Variants in SETD2 observed in about 807,000 individuals in gnomAD.
SETD2 encodes histone-lysine N-methyltransferase SETD2.
In SETD2, 31 loss-of-function variants were observed where a neutral mutation model predicts 242.1. That is an observed-to-expected ratio of 0.13 (90% confidence interval 0.10 to 0.17). SETD2 has a LOEUF of 0.17. SETD2 is among the 10% of genes least tolerant of loss of function. The pLI, the probability that SETD2 is intolerant of heterozygous loss-of-function variation, is 1.00. For synonymous variants in SETD2, 1,006 were observed against 1,066.5 expected (o/e 0.94, Z 1.11); for missense variants, 2,481 against 3,046.3 (o/e 0.81, Z 4.37).
intron 7 of SETD2, among the ~76,000 whole-genome samples, chr3:47,102,870 C>T (rs889993693): frequency 1.3e-5 from 2 of 151,364 alleles, no homozygotes; most frequent in Admixed American, 6.6e-5. Flanking sequence ...CTAGATAAGA[C>T]CTAATAAAGA....
chr3:47,085,255 C>T (rs1031196347), intron 11 of SETD2, among the ~76,000 whole-genome samples: 1 of 152,196 alleles, frequency 6.6e-6, no homozygotes, highest in Non-Finnish European at 1.5e-5. Flanking sequence ...AGTTCCTAAA[C>T]CTGGGTAGCT....
In SETD2 at chr3:47,090,146, C is replaced by CTGA. The variant is rs560337595; in HGVS notation, c.5143-1902_5143-1900dup. On this transcript the variant is annotated intron_variant, in intron 9 of 20. Coordinates refer to ENST00000409792, the MANE Select transcript of SETD2 (RefSeq NM_014159.7). ...GCCTGTAGTACCAGCTATCGGGAGG[C>CTGA]TGAGGCAGGAGAATAGCTTGAACCC... is the stretch of plus-strand genomic sequence containing the variant. 1.6e-3 allele frequency among the ~76,000 whole-genome samples: 245 copies of CTGA among 151,912 alleles called. 1 individual carries two copies. Among genetic ancestry groups the CTGA allele is most frequent in the African/African-American group, 4.9e-3 (203 of 41,456 alleles).
intron 1 of SETD2, among the ~76,000 whole-genome samples, chr3:47,138,957 T>C (rs975183987): frequency 6.6e-6 from 1 of 152,198 alleles, no homozygotes; most frequent in Non-Finnish European, 1.5e-5. Flanking sequence ...TCTTTCTTTC[T>C]TTTCTTTTTT....
At chr3:47,084,424 G>GA in intron 11 of SETD2, 42 bp from the exon 12 acceptor site, 4 of 1,242,704 alleles carry the variant, frequency 3.2e-6, no homozygotes, top group Non-Finnish European at 4.3e-6. Flanking sequence ...TTGTACAGTT[G>GA]ACTTTTTTTT....
chr3:47,161,057 T>A (rs1697476002), intron 1 of SETD2, among the ~76,000 whole-genome samples: 1 of 152,198 alleles, frequency 6.6e-6, no homozygotes, highest in Non-Finnish European at 1.5e-5. Flanking sequence ...AATTTCTTCA[T>A]ATGTCTAAGT....
intron 4 of SETD2, 80 bp downstream of exon 4, chr3:47,116,543 T>G: frequency 6.9e-7 from 1 of 1,441,436 alleles, no homozygotes; most frequent in Non-Finnish European, 9.4e-7. Context: ...AGGTTAAATT[T>G]TATTCTTCAT....
At chr3:47,018,491 T>G (rs955530658) in intron 19 of SETD2, among the ~76,000 whole-genome samples, 1 of 152,188 alleles carries the variant, frequency 6.6e-6, no homozygotes, top group African/African-American at 2.4e-5. Flanking sequence ...CCTTCAGGTG[T>G]TCAAAGAACA....
intron 13 of SETD2, among the ~76,000 whole-genome samples, chr3:47,065,638 A>C (rs1189043727): frequency 6.6e-6 from 1 of 152,054 alleles, no homozygotes; most frequent in Non-Finnish European, 1.5e-5. Context: ...TCTACAAAAA[A>C]TAAATAAATA....
At chr3:47,149,010 C>A (rs184308851) in intron 1 of SETD2, among the ~76,000 whole-genome samples, 28 of 152,304 alleles carry the variant, frequency 1.8e-4, no homozygotes, top group Non-Finnish European at 2.4e-4. Flanking sequence ...CCATAATCCT[C>A]CAGCATATAC....
intron 18 of SETD2, among the ~76,000 whole-genome samples, chr3:47,030,846 G>A (rs1007608836): frequency 1.4e-4 from 21 of 152,148 alleles, no homozygotes; most frequent in Non-Finnish European, 3.1e-4. Flanking sequence ...AAAGTTGGAA[G>A]CAACCAAGAT....
At chr3:47,078,447 C>T (rs1165006338) in intron 12 of SETD2, among the ~76,000 whole-genome samples, 2 of 145,960 alleles carry the variant, frequency 1.4e-5, no homozygotes, top group Non-Finnish European at 3.0e-5. Context: ...GACCGAAGAA[C>T]TATTTCAGAG....
chr3:47,031,441 A>G (rs1466971133), intron 18 of SETD2, among the ~76,000 whole-genome samples: 1 of 152,206 alleles, frequency 6.6e-6, no homozygotes, highest in Non-Finnish European at 1.5e-5. Flanking sequence ...AATAAAGACT[A>G]CTTTTTAAAA....
chr3:47,035,738 C>T (rs2038967492), intron 18 of SETD2, among the ~76,000 whole-genome samples: 1 of 152,186 alleles, frequency 6.6e-6, no homozygotes, highest in Middle Eastern at 3.2e-3. Context: ...GGCCCCAGAA[C>T]TCAGCTGTAT....
chr3:47,160,936 TAA>T (rs770462355), intron 1 of SETD2, among the ~76,000 whole-genome samples: 2 of 152,132 alleles, frequency 1.3e-5, no homozygotes, highest in Non-Finnish European at 1.5e-5. Context: ...TGCTGCTGAA[TAA>T]AAAAGACATC....
At chr3:47,042,521 G>C (rs2107538877) in intron 17 of SETD2, 40 bp downstream of exon 17, 1 of 1,609,702 alleles carries the variant, frequency 6.2e-7, no homozygotes, top group Non-Finnish European at 8.5e-7. Context: ...CTTTGATTAA[G>C]TAAAAGCAGA....
intron 15 of SETD2, among the ~76,000 whole-genome samples, chr3:47,049,337 A>G (rs1196115562): frequency 2.5e-5 from 3 of 119,340 alleles, no homozygotes; most frequent in East Asian, 4.8e-4. Context: ...ATATATATAT[A>G]TATATATATA....
chr3:47,076,408 G>C (rs1160077769), intron 12 of SETD2, among the ~76,000 whole-genome samples: 1 of 152,170 alleles, frequency 6.6e-6, no homozygotes, highest in African/African-American at 2.4e-5. Flanking sequence ...ATAGGAAACT[G>C]AGATGAAGGA....
intron 15 of SETD2, among the ~76,000 whole-genome samples, chr3:47,050,880 G>A (rs1246720925): frequency 6.6e-6 from 1 of 151,404 alleles, no homozygotes; most frequent in Non-Finnish European, 1.5e-5. Flanking sequence ...ATAGGCGTGC[G>A]CCACCAAGCC....
rs142677923 is a variant in SETD2 at position 47,090,023 on chromosome 3, G to A, written c.5143-1776C>T. On this transcript the variant is annotated intron_variant, in intron 9 of 20. Transcript: ENST00000409792. Reference sequence around the variant, plus strand: ...AGAACTCTGAAAGGCCAAGACAGGCGGATCACCTGAGGTCAGGAGTTCAAG... The same window carrying A: ...AGAACTCTGAAAGGCCAAGACAGGCAGATCACCTGAGGTCAGGAGTTCAAG... 9.2e-3 allele frequency among the ~76,000 whole-genome samples: 1,397 copies of A among 152,152 alleles called. 19 individuals carry two copies. Among genetic ancestry groups the A allele is most frequent in the African/African-American group, 0.032 (1,318 of 41,494 alleles).
Sources: allele counts gnomAD v4.1 joint callset (sites outside exome capture counted in the v4.1 genomes callset), GRCh38; gene constraint gnomAD v4.1.1; transcripts MANE v1.5; gene names NCBI Gene and HGNC (gene_info 2026-07-23, HGNC 2026-07-21).